LMCD1: variants seen among roughly 807,000 people sequenced by gnomAD.
LMCD1 encodes the protein LIM and cysteine-rich domains protein 1.
Under a neutral mutation model 42.7 loss-of-function variants are expected in LMCD1, and 32 were observed. That is an observed-to-expected ratio of 0.75 (90% CI 0.57 to 1.01). The LOEUF (loss-of-function observed/expected upper bound fraction) is 1.01. LMCD1 is among the 50% of genes least tolerant of loss of function. The pLI, the probability that LMCD1 is intolerant of heterozygous loss-of-function variation, is 0.00. For synonymous variants in LMCD1, 178 were observed against 184.9 expected, an observed-to-expected ratio of 0.96 and a Z score of 0.30; for missense variants, 458 against 483.1, an observed-to-expected ratio of 0.95 and a Z score of 0.49.
intron 4 of LMCD1, among the ~76,000 whole-genome samples, chr3:8,558,341 A>C (rs1382364852): frequency 6.6e-6 from 1 of 152,242 alleles, no homozygotes; most frequent in East Asian, 1.9e-4. Flanking sequence ...AGGTGTTTAC[A>C]AATTGCAAAG....
Position 8,565,476 on chromosome 3 carries a change from G to A in LMCD1, c.768G>A (p.Val256=). The change falls in exon 5 of 6, where the codon GTG becomes GTA. Residue 256 remains valine, a synonymous_variant. Coordinates refer to ENST00000157600, the MANE Select transcript of LMCD1 (RefSeq NM_014583.4). Reference sequence around the variant, plus strand: ...GAGCGGCCCCTCCTGACAGCCCCGTGGTCTACTCGGACAGGGCAGGCTACA... The same window carrying A: ...GAGCGGCCCCTCCTGACAGCCCCGTAGTCTACTCGGACAGGGCAGGCTACA... ...CKGAAPPDSP[V]VYSDRAGYNK... is the part of the protein sequence containing the mutation. The A allele has an allele frequency of 6.2e-7, 1 of 1,614,184 alleles. No homozygotes were observed. The highest frequency in any genetic ancestry group is 1.1e-5 in the South Asian group (1 of 91,080).
At chr3:8,524,918 C>G (rs1264213571) in intron 1 of LMCD1, among the ~76,000 whole-genome samples, 2 of 152,110 alleles carry the variant, frequency 1.3e-5, no homozygotes, top group African/African-American at 2.4e-5. Context: ...CTCCTGGGCT[C>G]AAGCAAGTCA....
At chr3:8,565,914 T>C (rs779273113) in intron 5 of LMCD1, among the ~76,000 whole-genome samples, 23 of 152,222 alleles carry the variant, frequency 1.5e-4, no homozygotes, top group Non-Finnish European at 2.2e-4. Context: ...ACTCAGAACA[T>C]AGCAGGATGA....
intron 4 of LMCD1, chr3:8,549,943 AC>A (rs1694810485): frequency 2.1e-6 from 2 of 943,408 alleles, no homozygotes; most frequent in Non-Finnish European, 3.3e-6. Context: ...ATTCCTGAGG[AC>A]CTGAGCCCTC....
intron 1 of LMCD1, among the ~76,000 whole-genome samples, chr3:8,502,263 TA>T (rs1306771255): frequency 1.3e-4 from 13 of 100,282 alleles, no homozygotes; most frequent in African/African-American, 5.0e-4. Context: ...AAAATGTATA[TA>T]AAATATATAT....
intron 4 of LMCD1, among the ~76,000 whole-genome samples, chr3:8,553,562 C>T (rs1477857549): frequency 6.6e-6 from 1 of 152,208 alleles, no homozygotes; most frequent in African/African-American, 2.4e-5. Context: ...TGAGCAGAAT[C>T]TGACCCCACC....
intron 1 of LMCD1, among the ~76,000 whole-genome samples, chr3:8,523,595 G>A (rs1232346843): frequency 6.6e-6 from 1 of 152,262 alleles, no homozygotes; most frequent in Admixed American, 6.5e-5. Flanking sequence ...GCCCTAGCGT[G>A]GGGGCTTCCC....
intron 3 of LMCD1, among the ~76,000 whole-genome samples, chr3:8,547,138 A>G (rs1050779250): frequency 2.6e-5 from 4 of 152,228 alleles, no homozygotes; most frequent in African/African-American, 7.2e-5. Flanking sequence ...AAGCAATAAA[A>G]TAATGATTAT....
chr3:8,554,237 G>A (rs902190024), intron 4 of LMCD1, among the ~76,000 whole-genome samples: 21 of 152,068 alleles, frequency 1.4e-4, no homozygotes, highest in African/African-American at 4.1e-4. Context: ...TACCCATTTC[G>A]CAGATGAGGA....
chr3:8,556,223 A>G (rs185302453), intron 4 of LMCD1, among the ~76,000 whole-genome samples: 2 of 152,280 alleles, frequency 1.3e-5, no homozygotes, highest in African/African-American at 4.8e-5. Context: ...CCTTTTTACA[A>G]ACAAGGGAAT....
chr3:8,554,043 CTTTATT>C (rs1200133606), intron 4 of LMCD1, among the ~76,000 whole-genome samples: 1 of 152,122 alleles, frequency 6.6e-6, no homozygotes, highest in Non-Finnish European at 1.5e-5. Context: ...GTCTCAATCT[CTTTATT>C]TTTATTTTTT....
chr3:8,504,659 C>T (rs188336981), intron 1 of LMCD1, among the ~76,000 whole-genome samples: 1 of 152,354 alleles, frequency 6.6e-6, no homozygotes, highest in East Asian at 1.9e-4. Flanking sequence ...CTTACAAGTT[C>T]CCTAACTTCT....
rs369104048 is a variant in LMCD1 at position 8,561,327 on chromosome 3, CT to C, written c.724-4102del. Among the ~76,000 whole-genome samples the C allele has an allele frequency of 4.8e-3, 732 of 151,112 alleles. 4 individuals carry two copies. Among genetic ancestry groups the C allele is most frequent in the African/African-American group, 0.017 (697 of 41,162 alleles). On this transcript the variant is annotated intron_variant, in intron 4 of 5. Coordinates refer to ENST00000157600, the MANE Select transcript of LMCD1 (RefSeq NM_014583.4). ...CTTTATGTAACAAGAGAGAAAACAA[CT>C]TTCCATGGGTTTTTTAAATGAAATT...
chr3:8,510,865 G>A (rs1343049180), intron 1 of LMCD1, among the ~76,000 whole-genome samples: 1 of 152,152 alleles, frequency 6.6e-6, no homozygotes, highest in Non-Finnish European at 1.5e-5. Context: ...TCTCATGTCA[G>A]ATAGACAAAG....
In LMCD1 at chr3:8,567,588, A is replaced by G; in HGVS notation, c.1088A>G (p.Lys363Arg). 1 of 1,612,656 alleles carries G rather than the reference A, an allele frequency of 6.2e-7. No individual in the cohort carries two copies. The highest frequency in any genetic ancestry group is 8.5e-7 in the Non-Finnish European group (1 of 1,179,444). The change falls in exon 6 of 6, where the codon AAA becomes AGA. Residue 363 changes from lysine (K) to arginine (R), a missense_variant. Lys to Arg is a conservative substitution (Grantham distance 26). Transcript: ENST00000157600. ...CTGTGCCCAACTTGCAGCAAGTCCA[A>G]ACGCTCCTGAAGGGCTGCCCACCCA... ...QLLCPTCSKS[K>R]RS
At chr3:8,522,465 C>T (rs1480526878) in intron 1 of LMCD1, among the ~76,000 whole-genome samples, 2 of 152,178 alleles carry the variant, frequency 1.3e-5, no homozygotes, top group East Asian at 1.9e-4. Flanking sequence ...AGCCTGAACA[C>T]GGTGATTGGA....
At chr3:8,515,969 G>C (rs1694090117) in intron 1 of LMCD1, among the ~76,000 whole-genome samples, 1 of 152,128 alleles carries the variant, frequency 6.6e-6, no homozygotes, top group Non-Finnish European at 1.5e-5. Context: ...AAGATGAAAA[G>C]GAAATGAAAG....
At chr3:8,556,291 C>T (rs1429091619) in intron 4 of LMCD1, among the ~76,000 whole-genome samples, 1 of 152,088 alleles carries the variant, frequency 6.6e-6, no homozygotes, top group Non-Finnish European at 1.5e-5. Context: ...CACAATCCGT[C>T]AGTGGGTAAT....
Position 8,571,126 on chromosome 3 carries a change from A to G in LMCD1, c.*3528A>G, listed in dbSNP as rs1231245210. On this transcript the variant is annotated 3_prime_UTR_variant, in exon 6 of 6. Transcript: ENST00000157600. ...CTCTCTAGGAAGACTTTCCTCCCTC[A>G]CCCTTCCCTTGGGGTGTTTTAGGTG... is the stretch of plus-strand genomic sequence containing the variant. 1.3e-5 allele frequency: 2 copies of G among 151,478 alleles called. No individual in the cohort carries two copies. Among genetic ancestry groups the G allele is most frequent in the Non-Finnish European group, 2.9e-5 (2 of 67,888 alleles). The allele number at this position is 151,478 out of a possible 1,614,324, so 9.4% of individuals were successfully genotyped here.
Sources: allele counts gnomAD v4.1 joint callset (sites outside exome capture counted in the v4.1 genomes callset), GRCh38; gene constraint gnomAD v4.1.1; transcripts MANE v1.5; gene names NCBI Gene and HGNC (gene_info 2026-07-23, HGNC 2026-07-21).